ACYP2: variants seen among roughly 807,000 people sequenced by gnomAD.
The protein encoded by ACYP2 is acylphosphatase-2.
A neutral mutation model predicts 11.2 loss-of-function variants in ACYP2; 12 were observed. That is an observed-to-expected ratio of 1.08 (90% confidence interval 0.69 to 1.74). The LOEUF (loss-of-function observed/expected upper bound fraction) is 1.74, where lower values mean the gene tolerates loss of function less well. Ranked by LOEUF, ACYP2 falls within the 40% of genes most tolerant of loss-of-function variation. The pLI is 0.00. For missense variants in ACYP2, 134 were observed against 101.9 expected, an observed-to-expected ratio of 1.31 and a Z score of -1.35; for synonymous variants, 43 against 32.2, an observed-to-expected ratio of 1.33 and a Z score of -1.13.
chr2:54,075,943 C>A (rs889158052), intron 4 of ACYP2, among the ~76,000 whole-genome samples: 5 of 151,696 alleles, frequency 3.3e-5, no homozygotes, highest in African/African-American at 1.2e-4. Flanking sequence ...TTTTATTAAT[C>A]TTTATATTTT....
At chr2:54,065,632 A>G (rs1322040230) in intron 4 of ACYP2, 1 of 397,360 alleles carries the variant, frequency 2.5e-6, no homozygotes, top group African/African-American at 2.1e-5. Context: ...GCCATTTTAG[A>G]GAAGCCAGAA....
intron 6 of ACYP2, among the ~76,000 whole-genome samples, chr2:54,286,987 A>G (rs187490134): frequency 1.3e-5 from 2 of 152,216 alleles, no homozygotes; most frequent in East Asian, 1.9e-4. Context: ...ATTTAACTAC[A>G]TAAAATTACC....
chr2:54,083,187 A>G (rs542425367), intron 4 of ACYP2, among the ~76,000 whole-genome samples: 1 of 152,334 alleles, frequency 6.6e-6, no homozygotes, highest in East Asian at 1.9e-4. Flanking sequence ...ATTCCCAGCA[A>G]CAGGATCTGT....
chr2:54,013,370 G>A (rs561903264), intron 2 of ACYP2, among the ~76,000 whole-genome samples: 107 of 148,078 alleles, frequency 7.2e-4, no homozygotes, highest in African/African-American at 2.5e-3. Flanking sequence ...TCACAATCTC[G>A]GCTCACTGCA....
chr2:54,279,268 T>A (rs1688743509), intron 6 of ACYP2, among the ~76,000 whole-genome samples: 1 of 152,200 alleles, frequency 6.6e-6, no homozygotes, highest in South Asian at 2.1e-4. Flanking sequence ...CAAGTTGTAC[T>A]GGAATACTGC....
intron 6 of ACYP2, among the ~76,000 whole-genome samples, chr2:54,289,510 C>G (rs1169604692): frequency 6.6e-6 from 1 of 151,928 alleles, no homozygotes; most frequent in Non-Finnish European, 1.5e-5. Flanking sequence ...ATATTTCTTC[C>G]TCACCTTCTA....
At chr2:53,979,613 G>A (rs776539613) in intron 2 of ACYP2, among the ~76,000 whole-genome samples, 2 of 150,140 alleles carry the variant, frequency 1.3e-5, no homozygotes, top group Non-Finnish European at 3.0e-5. Flanking sequence ...GCAACAGAGT[G>A]AGACTCTGTC....
At chr2:54,160,300 C>T (rs1682654241) in intron 6 of ACYP2, among the ~76,000 whole-genome samples, 1 of 152,090 alleles carries the variant, frequency 6.6e-6, no homozygotes. Flanking sequence ...GGGTCTTTTC[C>T]TTTTTATCTG....
At chr2:54,035,727 G>C (rs2104558292) in intron 2 of ACYP2, among the ~76,000 whole-genome samples, 1 of 152,310 alleles carries the variant, frequency 6.6e-6, no homozygotes, top group East Asian at 1.9e-4. Context: ...AGAAGAGAGT[G>C]AAACTTACCT....
At chr2:54,167,442 C>T (rs1284769048) in intron 6 of ACYP2, among the ~76,000 whole-genome samples, 1 of 152,064 alleles carries the variant, frequency 6.6e-6, no homozygotes, top group African/African-American at 2.4e-5. Context: ...ATCTCAAATC[C>T]AGAGAAAAGA....
intron 2 of ACYP2, among the ~76,000 whole-genome samples, chr2:54,022,598 T>C (rs1319844408): frequency 6.6e-6 from 1 of 152,126 alleles, no homozygotes; most frequent in Non-Finnish European, 1.5e-5. Context: ...CAGGGTGGTC[T>C]TGAATTTCTG....
At chr2:54,053,345 A>C (rs887471297) in intron 3 of ACYP2, among the ~76,000 whole-genome samples, 12 of 152,194 alleles carry the variant, frequency 7.9e-5, no homozygotes, top group African/African-American at 2.9e-4. Context: ...CTCTAGCCCA[A>C]GTCATATGCA....
intron 4 of ACYP2, among the ~76,000 whole-genome samples, chr2:54,067,636 G>A (rs1266770124): frequency 1.3e-5 from 2 of 152,068 alleles, no homozygotes; most frequent in Non-Finnish European, 2.9e-5. Flanking sequence ...ATCTGTAAGG[G>A]GAAAATCTGT....
At chr2:54,193,243 A>G (rs1684311192) in intron 6 of ACYP2, among the ~76,000 whole-genome samples, 1 of 152,212 alleles carries the variant, frequency 6.6e-6, no homozygotes, top group African/African-American at 2.4e-5. Context: ...TTTTGTTCTA[A>G]TAACAGAAGA....
intron 4 of ACYP2, among the ~76,000 whole-genome samples, chr2:54,097,367 G>C (rs754891348): frequency 1.3e-5 from 2 of 152,204 alleles, no homozygotes; most frequent in Non-Finnish European, 2.9e-5. Flanking sequence ...TGTCTACACA[G>C]TGTCTCATGC....
intron 4 of ACYP2, chr2:54,123,292 T>C: frequency 2.5e-6 from 1 of 398,498 alleles, no homozygotes. Context: ...TAGTTCTACT[T>C]GCCGTACTTC....
chr2:54,170,389 G>C (rs954495650), intron 6 of ACYP2, among the ~76,000 whole-genome samples: 1 of 152,114 alleles, frequency 6.6e-6, no homozygotes, highest in Non-Finnish European at 1.5e-5. Flanking sequence ...ACAGCCTCAA[G>C]CAGTCTGCCT....
At chr2:54,179,327 C>T (rs1410286871) in intron 6 of ACYP2, among the ~76,000 whole-genome samples, 2 of 152,126 alleles carry the variant, frequency 1.3e-5, no homozygotes, top group Admixed American at 1.3e-4. Flanking sequence ...GGATATCCTC[C>T]AATTCAGTTC....
At chr2:54,183,950 A>G (rs1160206119) in intron 6 of ACYP2, among the ~76,000 whole-genome samples, 2 of 152,346 alleles carry the variant, frequency 1.3e-5, no homozygotes, top group Admixed American at 1.3e-4. Flanking sequence ...TTCACATTTA[A>G]GAGTAATGCG....
Sources: gnomAD v4.1 joint callset for allele counts (sites outside exome capture counted in the v4.1 genomes callset) on GRCh38, gnomAD v4.1.1 for gene constraint, MANE v1.5 for transcripts, NCBI Gene and HGNC (gene_info 2026-07-23, HGNC 2026-07-21) for gene names.